Variants in SLC4A10 observed in about 807,000 individuals in gnomAD.
The protein encoded by SLC4A10 is sodium-driven chloride bicarbonate exchanger.
SLC4A10 carries 42 observed loss-of-function variants against 137.7 expected under a neutral mutation model. That is an observed-to-expected ratio of 0.30 (90% CI 0.24 to 0.39). The LOEUF (loss-of-function observed/expected upper bound fraction) is 0.39, where lower values mean the gene tolerates loss of function less well. SLC4A10 is among the 10% of genes least tolerant of loss of function. SLC4A10 has a pLI of 1.00. For missense variants in SLC4A10, 925 were observed against 1,355.0 expected (o/e 0.68, Z 4.98); for synonymous variants, 474 against 464.1 (o/e 1.02, Z -0.27).
Position 161,882,396 on chromosome 2 carries a change from A to G in SLC4A10, c.1146A>G (p.Gln382=). Residue 382 remains glutamine, a synonymous_variant, in exon 10 of 27, where the codon CAA becomes CAG. Transcript: ENST00000446997. The stretch of plus-strand genomic sequence containing the variant: ...TTCTGGGACCCCTGGGAAAGGGTCA[A>G]CAGTACCATGAGATTGGCAGATCAA... ...FILLGPLGKG[Q]QYHEIGRSIA... is the part of the protein sequence containing the mutation. 6.3e-7 allele frequency: 1 copy of G among 1,598,930 alleles called. No homozygotes were observed. Among genetic ancestry groups the G allele is most frequent in the Non-Finnish European group, 8.5e-7 (1 of 1,172,272 alleles).
At chr2:161,941,246 T>C (rs1213390931) in intron 15 of SLC4A10, among the ~76,000 whole-genome samples, 1 of 152,128 alleles carries the variant, frequency 6.6e-6, no homozygotes, top group Admixed American at 6.6e-5. Flanking sequence ...TAATGTCTAC[T>C]GAAAAAGTAG....
chr2:161,659,245 C>G (rs948120667), intron 1 of SLC4A10, among the ~76,000 whole-genome samples: 6 of 152,138 alleles, frequency 3.9e-5, no homozygotes, highest in African/African-American at 1.4e-4. Context: ...GAGGTCATAT[C>G]TTTTGAAGCA....
At chr2:161,633,897 G>A (rs2033993761) in intron 1 of SLC4A10, among the ~76,000 whole-genome samples, 1 of 151,562 alleles carries the variant, frequency 6.6e-6, no homozygotes, top group South Asian at 2.1e-4. Context: ...TCATTTTTTA[G>A]CTTTTTATTT....
rs2048005819 is a variant in SLC4A10, at chr2:161,742,465, T to C, written c.49-28508T>C. 2.2e-5 allele frequency among the ~76,000 whole-genome samples: 3 copies of C among 139,518 alleles called. No homozygotes were observed. In the South Asian group the frequency reaches 6.9e-4, roughly 32 times the overall value. The allele number at this position is 139,518 out of a possible 152,430, so 91.5% of individuals were successfully genotyped here. Reference sequence around the variant, plus strand: ...TTTTTTTTTTTTTTTTTTTTGAGACTGAGTCTCGCACTGTCGCCCAGGCTG... The same window carrying C: ...TTTTTTTTTTTTTTTTTTTTGAGACCGAGTCTCGCACTGTCGCCCAGGCTG... On this transcript the variant is annotated intron_variant, in intron 1 of 26. Coordinates refer to ENST00000446997, the MANE Select transcript of SLC4A10 (RefSeq NM_001178015.2).
Position 161,864,322 on chromosome 2 carries a change from T to C in SLC4A10, c.766+1260T>C, listed in dbSNP as rs575452088. Among the ~76,000 whole-genome samples, 10 of 152,324 alleles carry C rather than the reference T, an allele frequency of 6.6e-5. No homozygotes were observed. The South Asian group carries it at 2.1e-3, about 32-fold the overall frequency. On this transcript the variant is annotated intron_variant, in intron 6 of 26. Coordinates refer to ENST00000446997, the MANE Select transcript of SLC4A10 (RefSeq NM_001178015.2). ...GCACATGTAATGACAGCGTGAAATA[T>C]CATGTAATCTCACCCTTATTTTCAA...
chr2:161,822,428 T>C (rs773772294), intron 3 of SLC4A10, among the ~76,000 whole-genome samples: 2 of 152,202 alleles, frequency 1.3e-5, no homozygotes, highest in Non-Finnish European at 2.9e-5. Context: ...CTGCTCACAC[T>C]GGGTCAGTCT....
At chr2:161,875,123 A>G (rs2125936502) in intron 8 of SLC4A10, among the ~76,000 whole-genome samples, 1 of 152,336 alleles carries the variant, frequency 6.6e-6, no homozygotes. Context: ...TTTAAAAAAG[A>G]CTAAGTAAGA....
intron 1 of SLC4A10, among the ~76,000 whole-genome samples, chr2:161,687,883 TC>T (rs2041604371): frequency 6.6e-6 from 1 of 152,154 alleles, no homozygotes; most frequent in Admixed American, 6.6e-5. Flanking sequence ...TCTTGAGGCC[TC>T]CCCAGCCATG....
At chr2:161,754,131 T>C (rs985524468) in intron 1 of SLC4A10, among the ~76,000 whole-genome samples, 5 of 151,994 alleles carry the variant, frequency 3.3e-5, no homozygotes, top group African/African-American at 1.2e-4. Flanking sequence ...TTTGAATTCC[T>C]GGGCTCAAGT....
At chr2:161,701,324 A>T (rs1198396022) in intron 1 of SLC4A10, among the ~76,000 whole-genome samples, 1 of 152,066 alleles carries the variant, frequency 6.6e-6, no homozygotes, top group Admixed American at 6.6e-5. Context: ...GTTAGAATTT[A>T]AAAAGACAAA....
intron 1 of SLC4A10, among the ~76,000 whole-genome samples, chr2:161,708,493 C>T (rs17727965): frequency 0.021 from 3,226 of 151,608 alleles, 65 homozygotes; most frequent in Non-Finnish European, 0.033. Flanking sequence ...TTCTCTGTTT[C>T]GATGATGCAG....
chr2:161,717,310 G>T (rs2045038258), intron 1 of SLC4A10, among the ~76,000 whole-genome samples: 1 of 152,236 alleles, frequency 6.6e-6, no homozygotes, highest in Middle Eastern at 3.4e-3. Flanking sequence ...TGATTGCCCT[G>T]GCCAGAACTT....
At chr2:161,777,915 A>G (rs905327317) in intron 2 of SLC4A10, among the ~76,000 whole-genome samples, 1 of 151,974 alleles carries the variant, frequency 6.6e-6, no homozygotes, top group Non-Finnish European at 1.5e-5. Context: ...ATGGTATAGG[A>G]TGCCAACAGT....
intron 1 of SLC4A10, among the ~76,000 whole-genome samples, chr2:161,646,986 T>C (rs1448097424): frequency 6.6e-6 from 1 of 152,058 alleles, no homozygotes; most frequent in Non-Finnish European, 1.5e-5. Flanking sequence ...AGTTCTAAAA[T>C]AGGTACTATT....
At chr2:161,904,995 C>T (rs1684007514) in intron 14 of SLC4A10, 86 bp downstream of exon 14, 2 of 1,370,072 alleles carry the variant, frequency 1.5e-6, no homozygotes, top group African/African-American at 2.9e-5. Flanking sequence ...TTTTGGAGGT[C>T]TGTTGATAGA....
intron 18 of SLC4A10, among the ~76,000 whole-genome samples, chr2:161,949,873 A>G (rs2105814539): frequency 6.6e-6 from 1 of 152,030 alleles, no homozygotes; most frequent in East Asian, 1.9e-4. Flanking sequence ...GTGACCTATC[A>G]CATGATGTGA....
At chr2:161,679,686 CGTGTGTGTGT>C (rs67726464) in intron 1 of SLC4A10, among the ~76,000 whole-genome samples, 16 of 136,738 alleles carry the variant, frequency 1.2e-4, no homozygotes, top group Admixed American at 8.0e-4. Flanking sequence ...TGTAGGTCAA[CGTGTGTGTGT>C]GTGTGTGTGT....
At chr2:161,726,649 C>T (rs2046255337) in intron 1 of SLC4A10, among the ~76,000 whole-genome samples, 1 of 152,180 alleles carries the variant, frequency 6.6e-6, no homozygotes, top group Admixed American at 6.5e-5. Flanking sequence ...TGGCTCACAC[C>T]TGTAGTCCCA....
Position 161,883,660 on chromosome 2 carries a change from G to A in SLC4A10, c.1194+1216G>A, listed in dbSNP as rs537707827. Among the ~76,000 whole-genome samples, 10 of 152,188 alleles carry A rather than the reference G, an allele frequency of 6.6e-5. No homozygotes were observed. In the South Asian group the frequency reaches 1.0e-3, roughly 16 times the overall value. ...GTGTCAGCAGGGCCACAATCCCTTC[G>A]AAGTCTCTAGGGGAGGATCCTTCCT... On this transcript the variant is annotated intron_variant, in intron 10 of 26. Transcript: ENST00000446997.
Sources: gnomAD v4.1 joint callset for allele counts (sites outside exome capture counted in the v4.1 genomes callset) on GRCh38, gnomAD v4.1.1 for gene constraint, MANE v1.5 for transcripts, NCBI Gene and HGNC (gene_info 2026-07-23, HGNC 2026-07-21) for gene names.